The following CNTN5 variants were observed in gnomAD, a reference collection of about 807,000 sequenced individuals.
The protein encoded by CNTN5 is contactin 5, also known as contactin-5.
CNTN5 carries 77 observed loss-of-function variants against 129.1 expected under a neutral mutation model. That is an observed-to-expected ratio of 0.60 (90% CI 0.50 to 0.72). The LOEUF (loss-of-function observed/expected upper bound fraction) is 0.72, where lower values mean the gene tolerates loss of function less well. CNTN5 is among the 30% of genes least tolerant of loss of function. CNTN5 has a pLI of 0.00. For missense variants in CNTN5, 1,478 were observed against 1,328.8 expected (o/e 1.11, Z -1.75); for synonymous variants, 509 against 465.6 (o/e 1.09, Z -1.20).
chr11:99,614,470 G>A (rs549351866), intron 3 of CNTN5, among the ~76,000 whole-genome samples: 1 of 152,166 alleles, frequency 6.6e-6, no homozygotes, highest in Admixed American at 6.5e-5. Flanking sequence ...AGCAAGGCTT[G>A]TCTCAGTGGC....
intron 2 of CNTN5, among the ~76,000 whole-genome samples, chr11:99,409,571 T>C (rs773819172): frequency 2.6e-5 from 4 of 152,232 alleles, no homozygotes; most frequent in African/African-American, 9.6e-5. Context: ...CAGATAAAAA[T>C]AAATCATGAA....
intron 13 of CNTN5, among the ~76,000 whole-genome samples, chr11:100,089,574 T>C (rs753415576): frequency 6.6e-6 from 1 of 152,136 alleles, no homozygotes; most frequent in Non-Finnish European, 1.5e-5. Context: ...CCCAAAGGAA[T>C]ACAAATTATT....
At chr11:99,569,330 T>C (rs1949105208) in intron 3 of CNTN5, among the ~76,000 whole-genome samples, 1 of 152,140 alleles carries the variant, frequency 6.6e-6, no homozygotes, top group African/African-American at 2.4e-5. Flanking sequence ...TATTTATTTT[T>C]TGAGGCAGAG....
At chr11:100,209,576 A>G (rs1948982545) in intron 15 of CNTN5, among the ~76,000 whole-genome samples, 1 of 152,228 alleles carries the variant, frequency 6.6e-6, no homozygotes, top group East Asian at 1.9e-4. Flanking sequence ...TAATGAAAAC[A>G]TAAATGGGTT....
At chr11:99,476,898 T>A (rs10893388) in intron 2 of CNTN5, among the ~76,000 whole-genome samples, 32,591 of 151,934 alleles carry the variant, frequency 0.21, 3,795 homozygotes, top group Admixed American at 0.33. Flanking sequence ...TCTATTGTTT[T>A]GTTATCTCTT....
chr11:99,322,407 A>T (rs1465266921), intron 1 of CNTN5, among the ~76,000 whole-genome samples: 1 of 152,188 alleles, frequency 6.6e-6, no homozygotes, highest in Non-Finnish European at 1.5e-5. Flanking sequence ...ACAAAAAATT[A>T]TCAGGAAAAC....
chr11:99,884,642 A>T (rs1391455452), intron 6 of CNTN5, among the ~76,000 whole-genome samples: 1 of 152,210 alleles, frequency 6.6e-6, no homozygotes, highest in Non-Finnish European at 1.5e-5. Context: ...AGTTAGACAC[A>T]TTATAGTGAA....
intron 14 of CNTN5, 108 bp downstream of exon 14, chr11:100,191,361 C>A: frequency 1.2e-6 from 1 of 805,794 alleles, no homozygotes. Context: ...TGTGTGCATG[C>A]TTGTGTTTAT....
At position 99,378,998 on chromosome 11, in the gene CNTN5, C is replaced by T. The variant is rs557521928; in HGVS notation, c.-71+53514C>T. Among the ~76,000 whole-genome samples the T allele has an allele frequency of 5.3e-5, 8 of 152,028 alleles. No individual in the cohort carries two copies. In the East Asian group the frequency reaches 1.6e-3, roughly 29 times the overall value. ...ATAAGTCTTTTTTTAGTCTTCTGCA[C>T]ATGATATTCAATAAAATACATACAT... is the stretch of plus-strand genomic sequence containing the variant. On this transcript the variant is annotated intron_variant, in intron 2 of 24. Transcript: ENST00000524871.
chr11:99,034,232 T>C (rs923917315), intron 1 of CNTN5, among the ~76,000 whole-genome samples: 1 of 152,190 alleles, frequency 6.6e-6, no homozygotes, highest in Admixed American at 6.6e-5. Flanking sequence ...AAAACTCTCT[T>C]TTTTGTTTGC....
At chr11:99,703,337 A>G (rs538720694) in intron 3 of CNTN5, among the ~76,000 whole-genome samples, 2 of 149,912 alleles carry the variant, frequency 1.3e-5, no homozygotes, top group Admixed American at 6.7e-5. Flanking sequence ...AGTTTTGTTA[A>G]GTTTCTTTCA....
chr11:99,784,780 A>G (rs7114925), intron 3 of CNTN5, among the ~76,000 whole-genome samples: 38,994 of 140,292 alleles, frequency 0.28, 5,791 homozygotes, highest in East Asian at 0.48. Flanking sequence ...CTGGTGTGAG[A>G]TGGTATCTCA....
chr11:99,422,943 C>T (rs1178401224), intron 2 of CNTN5, among the ~76,000 whole-genome samples: 3 of 152,168 alleles, frequency 2.0e-5, no homozygotes, highest in Non-Finnish European at 2.9e-5. Context: ...TCTCCTAACC[C>T]AGAAATCCTC....
chr11:99,609,603 C>A (rs1373591421), intron 3 of CNTN5, among the ~76,000 whole-genome samples: 1 of 152,080 alleles, frequency 6.6e-6, no homozygotes, highest in Admixed American at 6.6e-5. Flanking sequence ...ATATGCCTAT[C>A]CTGGTTCTGG....
At chr11:99,579,458 A>G (rs1022855150) in intron 3 of CNTN5, among the ~76,000 whole-genome samples, 1 of 151,320 alleles carries the variant, frequency 6.6e-6, no homozygotes, top group Non-Finnish European at 1.5e-5. Context: ...CTTCCTACCC[A>G]TGAGCATGGA....
chr11:100,327,088 G>A (rs1951804892), intron 21 of CNTN5, among the ~76,000 whole-genome samples: 1 of 152,284 alleles, frequency 6.6e-6, no homozygotes, highest in South Asian at 2.1e-4. Context: ...ACAAAAGAAG[G>A]ATCTAATTTA....
chr11:99,778,572 A>G (rs1945205053), intron 3 of CNTN5, among the ~76,000 whole-genome samples: 2 of 151,792 alleles, frequency 1.3e-5, no homozygotes, highest in South Asian at 2.1e-4. Flanking sequence ...TCCTGTCTAA[A>G]TAAATTAATC....
intron 3 of CNTN5, among the ~76,000 whole-genome samples, chr11:99,694,107 A>G (rs2134809629): frequency 6.6e-6 from 1 of 152,198 alleles, no homozygotes; most frequent in South Asian, 2.1e-4. Context: ...AAAATGTGAG[A>G]AAGGAAGAAA....
intron 9 of CNTN5, among the ~76,000 whole-genome samples, chr11:100,030,116 T>A (rs1303053390): frequency 6.6e-6 from 1 of 152,146 alleles, no homozygotes; most frequent in Non-Finnish European, 1.5e-5. Flanking sequence ...GGCTTACACC[T>A]GTAATCCCAG....
Sources: allele counts gnomAD v4.1 joint callset (sites outside exome capture counted in the v4.1 genomes callset), GRCh38; gene constraint gnomAD v4.1.1; transcripts MANE v1.5; gene names NCBI Gene and HGNC (gene_info 2026-07-23, HGNC 2026-07-21).